Variants in CLMP observed in about 807,000 individuals in gnomAD.
The protein encoded by CLMP is CXADR like cell adhesion molecule.
In CLMP, 27 loss-of-function variants were observed where a neutral mutation model predicts 45.2. The observed-to-expected ratio is 0.60, with a 90% confidence interval of 0.44 to 0.82. The LOEUF (loss-of-function observed/expected upper bound fraction) is 0.82, where lower values mean the gene tolerates loss of function less well. CLMP is among the 40% of genes least tolerant of loss of function. The pLI is 0.00. For synonymous variants in CLMP, 167 were observed against 171.4 expected (o/e 0.97, Z 0.20); for missense variants, 403 against 448.4 (o/e 0.90, Z 0.91).
intron 5 of CLMP, among the ~76,000 whole-genome samples, chr11:123,081,038 C>T (rs1218408995): frequency 2.0e-5 from 3 of 151,694 alleles, no homozygotes; most frequent in African/African-American, 4.8e-5. Flanking sequence ...CCCAGCTACT[C>T]GCTACTCGGG....
At chr11:123,076,991 CTTTTTTTT>C (rs869224079) in intron 5 of CLMP, among the ~76,000 whole-genome samples, 49 of 99,666 alleles carry the variant, frequency 4.9e-4, no homozygotes, top group East Asian at 1.3e-3. Flanking sequence ...GCTATTTATT[CTTTTTTTT>C]TTTTTTTTTT....
chr11:123,165,094 C>T (rs1861539803), intron 1 of CLMP, among the ~76,000 whole-genome samples: 1 of 152,188 alleles, frequency 6.6e-6, no homozygotes, highest in Non-Finnish European at 1.5e-5. Flanking sequence ...AAATAGACAC[C>T]TCTTCAGACC....
Position 123,073,415 on chromosome 11 carries a change from CG to C in CLMP, c.*58del, listed in dbSNP as rs1450941869. The C allele has an allele frequency of 1.3e-6, 2 of 1,529,510 alleles. No homozygotes were observed. Among genetic ancestry groups the C allele is most frequent in the African/African-American group, 2.8e-5 (2 of 72,368 alleles). The allele number at this position is 1,529,510 out of a possible 1,614,324, so 94.7% of individuals were successfully genotyped here. A position where few individuals can be genotyped will look rare whatever the true frequency, so the allele number is the denominator to read the frequency against. ...TGGCTGGTGACTTGAGCTCCAATGA[CG>C]AGAAGAGTCCAAAGACCCTGACTCC... On this transcript the variant is annotated 3_prime_UTR_variant, in exon 7 of 7. Coordinates refer to ENST00000448775, the MANE Select transcript of CLMP (RefSeq NM_024769.5).
intron 1 of CLMP, among the ~76,000 whole-genome samples, chr11:123,115,495 G>C (rs1011358787): frequency 6.6e-5 from 10 of 152,028 alleles, no homozygotes; most frequent in Non-Finnish European, 1.5e-4. Context: ...GAAACTACAT[G>C]TCATTAATGT....
At chr11:123,078,714 G>A (rs577580053) in intron 5 of CLMP, among the ~76,000 whole-genome samples, 8 of 149,092 alleles carry the variant, frequency 5.4e-5, no homozygotes, top group African/African-American at 7.4e-5. Context: ...GCGGGATCTC[G>A]GCTCACTGCA....
At chr11:123,136,132 G>C (rs1031886030) in intron 1 of CLMP, 4 of 622,676 alleles carry the variant, frequency 6.4e-6, no homozygotes, top group Admixed American at 5.5e-5. Flanking sequence ...GCAATCTGAC[G>C]GCAAGAAAGT....
intron 1 of CLMP, among the ~76,000 whole-genome samples, chr11:123,133,006 C>T (rs559686327): frequency 2.6e-5 from 4 of 152,060 alleles, no homozygotes; most frequent in South Asian, 2.1e-4. Flanking sequence ...TGACCTCAAG[C>T]GATCTGCCTG....
chr11:123,109,522 C>T (rs928032687), intron 1 of CLMP, among the ~76,000 whole-genome samples: 3 of 152,100 alleles, frequency 2.0e-5, no homozygotes, highest in South Asian at 2.1e-4. Flanking sequence ...TCCTTGAAAC[C>T]GGCAGATTGG....
intron 2 of CLMP, among the ~76,000 whole-genome samples, chr11:123,092,202 G>C (rs568268180): frequency 3.6e-4 from 55 of 151,992 alleles, no homozygotes; most frequent in Non-Finnish European, 6.9e-4. Context: ...TGCTACCATA[G>C]TGCACAGTAC....
At chr11:123,085,782 T>G (rs113776094) in intron 2 of CLMP, among the ~76,000 whole-genome samples, 107 of 135,076 alleles carry the variant, frequency 7.9e-4, no homozygotes, top group African/African-American at 2.3e-3. Flanking sequence ...TTTTTTTTTT[T>G]GTTTTTTTTT....
chr11:123,171,687 G>A (rs375865005), intron 1 of CLMP, among the ~76,000 whole-genome samples: 16 of 152,042 alleles, frequency 1.1e-4, no homozygotes, highest in African/African-American at 1.7e-4. Flanking sequence ...CAAGCGATCC[G>A]CCTTCCTCGG....
intron 1 of CLMP, among the ~76,000 whole-genome samples, chr11:123,187,653 A>T (rs1292632228): frequency 6.6e-6 from 1 of 152,170 alleles, no homozygotes; most frequent in African/African-American, 2.4e-5. Flanking sequence ...CTTAATTAAG[A>T]GATCCAAATT....
At chr11:123,134,691 C>T (rs1006305302) in intron 1 of CLMP, among the ~76,000 whole-genome samples, 9 of 151,694 alleles carry the variant, frequency 5.9e-5, no homozygotes, top group Admixed American at 5.9e-4. Context: ...GCTTGTAGTC[C>T]CAGCTACTCA....
intron 6 of CLMP, 132 bp downstream of exon 6, chr11:123,074,570 T>C (rs4936773): frequency 0.026 from 23,442 of 912,904 alleles, 832 homozygotes; most frequent in East Asian, 0.17. Context: ...GGCTGGAACT[T>C]CCTACCTACC....
intron 1 of CLMP, among the ~76,000 whole-genome samples, chr11:123,158,407 C>T (rs537412462): frequency 2.0e-5 from 3 of 152,168 alleles, no homozygotes; most frequent in African/African-American, 7.2e-5. Context: ...TCAGGATCGG[C>T]GGAAGGTTTG....
intron 1 of CLMP, among the ~76,000 whole-genome samples, chr11:123,147,816 CTTTT>C (rs34811211): frequency 7.0e-6 from 1 of 143,154 alleles, no homozygotes. Flanking sequence ...AAGACACTGA[CTTTT>C]TTTTTTTTTT....
At position 123,072,791 on chromosome 11, in the gene CLMP, TC is replaced by T. The variant is rs1384795180; in HGVS notation, c.*682del. 1.3e-5 allele frequency: 2 copies of T among 152,216 alleles called. No individual in the cohort carries two copies. The highest frequency in any genetic ancestry group is 2.9e-5 in the Non-Finnish European group (2 of 68,042). 9.4% of individuals were successfully genotyped at this position (152,216 alleles called of 1,614,324 possible). A position where few individuals can be genotyped will look rare whatever the true frequency, so the allele number is the denominator to read the frequency against. On this transcript the variant is annotated 3_prime_UTR_variant, in exon 7 of 7. Transcript: ENST00000448775. ...CAATCCTTTGTCACAAATTTTTGTC[TC>T]CTTTCATAGTTATTTTGGGCTCAAT... is the stretch of plus-strand genomic sequence containing the variant.
chr11:123,168,025 T>C (rs906747269), intron 1 of CLMP, among the ~76,000 whole-genome samples: 2 of 152,218 alleles, frequency 1.3e-5, no homozygotes, highest in East Asian at 1.9e-4. Flanking sequence ...AGCTGAAAGC[T>C]TGTTCTTAAA....
At chr11:123,120,954 C>G (rs144621531) in intron 1 of CLMP, among the ~76,000 whole-genome samples, 3,379 of 151,718 alleles carry the variant, frequency 0.022, 130 homozygotes, top group African/African-American at 0.076. Context: ...GTGAAACCCC[C>G]TCTCTACTAA....
Sources: gnomAD v4.1 joint callset for allele counts (sites outside exome capture counted in the v4.1 genomes callset) on GRCh38, gnomAD v4.1.1 for gene constraint, MANE v1.5 for transcripts, NCBI Gene and HGNC (gene_info 2026-07-23, HGNC 2026-07-21) for gene names.